STPG2: variants seen among roughly 807,000 people sequenced by gnomAD.
The protein encoded by STPG2 is sperm-tail PG-rich repeat-containing protein 2.
Under a neutral mutation model 54.2 loss-of-function variants are expected in STPG2, and 56 were observed. The ratio of observed to expected loss-of-function variants is 1.03; its 90% CI spans 0.83 to 1.29. STPG2 has a LOEUF of 1.29. Among genes scored for constraint, STPG2 ranks in the 50% most tolerant of loss-of-function variants. STPG2 has a pLI of 0.00. For synonymous variants in STPG2, 200 were observed against 181.8 expected, an observed-to-expected ratio of 1.10 and a Z score of -0.81; for missense variants, 596 against 544.9, an observed-to-expected ratio of 1.09 and a Z score of -0.93.
intron 3 of STPG2, among the ~76,000 whole-genome samples, chr4:98,127,630 C>T (rs978768977): frequency 1.4e-4 from 22 of 152,256 alleles, no homozygotes; most frequent in African/African-American, 5.1e-4. Context: ...ACCATAGGTT[C>T]GAAGTACTAT....
At chr4:97,725,035 A>T (rs1488175057) in intron 9 of STPG2, among the ~76,000 whole-genome samples, 1 of 152,126 alleles carries the variant, frequency 6.6e-6, no homozygotes, top group Non-Finnish European at 1.5e-5. Context: ...GTGACTAGGC[A>T]GTTTAGAATG....
In STPG2 at chr4:97,653,416, C is replaced by T. The variant is rs923766715; in HGVS notation, c.1320+59283G>A. 4.0e-5 allele frequency among the ~76,000 whole-genome samples: 6 copies of T among 151,182 alleles called. No individual in the cohort carries two copies. The East Asian group carries it at 1.2e-3, about 29-fold the overall frequency. Reference sequence around the variant, plus strand: ...AAAAAAAAACCTTGAAACTCTACGTCTCTCTTCTTCTACCAAAATTCCACA... The same window carrying T: ...AAAAAAAAACCTTGAAACTCTACGTTTCTCTTCTTCTACCAAAATTCCACA... On this transcript the variant is annotated intron_variant, in intron 10 of 10. Coordinates refer to ENST00000295268, the MANE Select transcript of STPG2 (RefSeq NM_174952.3).
chr4:97,765,394 C>T (rs139847523), intron 9 of STPG2, among the ~76,000 whole-genome samples: 13 of 152,210 alleles, frequency 8.5e-5, no homozygotes, highest in African/African-American at 3.1e-4. Context: ...GATGTCTTAA[C>T]TTGATATGTG....
chr4:98,075,726 T>C (rs930140261), intron 5 of STPG2, among the ~76,000 whole-genome samples: 5 of 152,158 alleles, frequency 3.3e-5, no homozygotes, highest in African/African-American at 1.2e-4. Flanking sequence ...TACTTAAGTA[T>C]GTGACTGAAT....
chr4:97,957,740 C>G lies in STPG2; in HGVS notation c.934-13733G>C, dbSNP rs1190696480. 2.0e-5 allele frequency among the ~76,000 whole-genome samples: 3 copies of G among 152,152 alleles called. No homozygotes were observed. The East Asian group carries it at 5.8e-4, about 29-fold the overall frequency. The stretch of plus-strand genomic sequence containing the variant: ...GATTTCTCAGCAGAAACCCTACAAG[C>G]TAGAAGAGATTGGGGCCTTATCTTC... On this transcript the variant is annotated intron_variant, in intron 7 of 10. Transcript: ENST00000295268.
Position 97,723,996 on chromosome 4 carries a change from C to A in STPG2, c.1205-11182G>T, listed in dbSNP as rs187952128. Among the ~76,000 whole-genome samples, 65 of 152,262 alleles carry A rather than the reference C, an allele frequency of 4.3e-4. No homozygotes were observed. In the East Asian group the frequency reaches 0.012, roughly 28 times the overall value. On this transcript the variant is annotated intron_variant, in intron 9 of 10. Transcript: ENST00000295268. ...ATATCAGTAAGTTTGTCAGTTTTCC[C>A]AGTATGTCAACTAAATAATTTTTGT...
At chr4:97,849,571 C>A (rs1210665042) in intron 8 of STPG2, among the ~76,000 whole-genome samples, 1 of 151,974 alleles carries the variant, frequency 6.6e-6, no homozygotes, top group Non-Finnish European at 1.5e-5. Context: ...AACAAATTCA[C>A]AAGAAAAAAA....
intron 9 of STPG2, among the ~76,000 whole-genome samples, chr4:97,778,688 C>T (rs1022552190): frequency 1.7e-4 from 26 of 152,252 alleles, no homozygotes; most frequent in African/African-American, 4.6e-4. Flanking sequence ...CCCCAGTAGG[C>T]GCAGACTGAC....
Position 98,083,773 on chromosome 4 carries a change from G to A in STPG2, c.612+22180C>T, listed in dbSNP as rs74433735. Among the ~76,000 whole-genome samples, 396 of 152,226 alleles carry A rather than the reference G, an allele frequency of 2.6e-3. 2 individuals are homozygous for A. Among genetic ancestry groups the A allele is most frequent in the African/African-American group, 8.7e-3 (360 of 41,528 alleles). Reference sequence around the variant, plus strand: ...ATCCATAATTTCTATTACCATCACCGTAATGAAGATATAGAATGTTAATAT... The same window carrying A: ...ATCCATAATTTCTATTACCATCACCATAATGAAGATATAGAATGTTAATAT... On this transcript the variant is annotated intron_variant, in intron 5 of 10. Transcript: ENST00000295268.
intron 4 of STPG2, among the ~76,000 whole-genome samples, chr4:97,461,962 TATC>T: frequency 6.6e-6 from 1 of 152,272 alleles, no homozygotes; most frequent in East Asian, 1.9e-4. Context: ...TCATTCAATA[TATC>T]ATCTTTTTAT....
chr4:97,925,576 C>T (rs534189677), intron 8 of STPG2, among the ~76,000 whole-genome samples: 1 of 152,164 alleles, frequency 6.6e-6, no homozygotes, highest in African/African-American at 2.4e-5. Context: ...AATAAGATAA[C>T]AACAGACCAA....
intron 1 of STPG2, among the ~76,000 whole-genome samples, chr4:98,139,531 C>G (rs1409147874): frequency 6.6e-6 from 1 of 152,168 alleles, no homozygotes; most frequent in Non-Finnish European, 1.5e-5. Flanking sequence ...CAACGTGTTA[C>G]TGGTCCTAAA....
chr4:97,761,419 C>T (rs147683129), intron 9 of STPG2, among the ~76,000 whole-genome samples: 39 of 152,176 alleles, frequency 2.6e-4, no homozygotes, highest in African/African-American at 8.9e-4. Context: ...CAAGGATAAC[C>T]AACAAACAAC....
intron 8 of STPG2, among the ~76,000 whole-genome samples, chr4:97,933,785 G>A (rs1281931054): frequency 6.6e-6 from 1 of 152,152 alleles, no homozygotes; most frequent in African/African-American, 2.4e-5. Context: ...GTGGTTTGAA[G>A]GCAGGCAGTG....
chr4:97,760,339 A>T (rs1050207207), intron 9 of STPG2, among the ~76,000 whole-genome samples: 2 of 152,162 alleles, frequency 1.3e-5, no homozygotes, highest in African/African-American at 4.8e-5. Flanking sequence ...AATGTTTTTA[A>T]ATAAGTGAAC....
At chr4:97,571,108 T>A (rs1732588947) in intron 10 of STPG2, among the ~76,000 whole-genome samples, 1 of 151,986 alleles carries the variant, frequency 6.6e-6, no homozygotes, top group Admixed American at 6.6e-5. Context: ...AGTATTTAAA[T>A]GTAATTAAAA....
chr4:97,620,831 A>G (rs377600702), intron 10 of STPG2, among the ~76,000 whole-genome samples: 11 of 152,294 alleles, frequency 7.2e-5, no homozygotes, highest in African/African-American at 2.6e-4. Flanking sequence ...CAGAATATAC[A>G]TTCTCTCATC....
chr4:97,558,954 T>G lies in STPG2; in HGVS notation c.*104A>C. ...AGCGAATGCCTGAACAAGTGAAAAT[T>G]ATGCTTTTATTACTCCTATATTTGG... On this transcript the variant is annotated 3_prime_UTR_variant, in exon 11 of 11. Coordinates refer to ENST00000295268, the MANE Select transcript of STPG2 (RefSeq NM_174952.3). The G allele has an allele frequency of 1.1e-6, 1 of 933,100 alleles. No homozygotes were observed. The highest frequency in any genetic ancestry group is 2.5e-5 in the East Asian group (1 of 40,488). 57.8% of individuals were successfully genotyped at this position (933,100 alleles called of 1,614,324 possible).
chr4:97,796,297 T>C (rs1727174689), intron 9 of STPG2, among the ~76,000 whole-genome samples: 1 of 152,226 alleles, frequency 6.6e-6, no homozygotes, highest in Admixed American at 6.5e-5. Context: ...CTAAATGGTA[T>C]TGCCTAGGTT....
Sources: gnomAD v4.1 joint callset for allele counts (sites outside exome capture counted in the v4.1 genomes callset) on GRCh38, gnomAD v4.1.1 for gene constraint, MANE v1.5 for transcripts, NCBI Gene and HGNC (gene_info 2026-07-23, HGNC 2026-07-21) for gene names.